The following CMIP variants were observed in gnomAD, a reference collection of about 807,000 sequenced individuals.
CMIP encodes the protein C-Maf-inducing protein.
Under a neutral mutation model 97.3 loss-of-function variants are expected in CMIP, and 13 were observed. That is an observed-to-expected ratio of 0.13 (90% CI 0.09 to 0.21). The LOEUF is 0.21. Ranked by LOEUF, CMIP falls within the 10% of genes least tolerant of loss-of-function variation. The probability of loss-of-function intolerance (pLI) is 1.00; values close to 1 mark genes in which losing one functional copy is unlikely to be tolerated. For missense variants in CMIP, 847 were observed against 1,024.9 expected (o/e 0.83, Z 2.37); for synonymous variants, 538 against 436.3 (o/e 1.23, Z -2.91).
intron 10 of CMIP, among the ~76,000 whole-genome samples, chr16:81,684,802 G>C (rs1905217020): frequency 6.6e-6 from 1 of 152,206 alleles, no homozygotes; most frequent in African/African-American, 2.4e-5. Context: ...GTCCAAGCTG[G>C]GAAGGGCCCA....
intron 1 of CMIP, among the ~76,000 whole-genome samples, chr16:81,505,236 C>T (rs996289560): frequency 3.8e-4 from 58 of 152,290 alleles, no homozygotes; most frequent in African/African-American, 1.3e-3. Context: ...GCACAAGTCA[C>T]GTAGCCACAC....
intron 1 of CMIP, among the ~76,000 whole-genome samples, chr16:81,604,978 A>T (rs1299202431): frequency 6.6e-6 from 1 of 152,226 alleles, no homozygotes; most frequent in Non-Finnish European, 1.5e-5. Context: ...ATGAAACAGC[A>T]GGTGAACCCT....
At chr16:81,673,778 C>T (rs1472354070) in intron 9 of CMIP, among the ~76,000 whole-genome samples, 2 of 152,180 alleles carry the variant, frequency 1.3e-5, no homozygotes, top group Admixed American at 1.3e-4. Context: ...CCTCTGGTGT[C>T]ATTGGAGAGG....
At chr16:81,500,118 C>T (rs963958104) in intron 1 of CMIP, among the ~76,000 whole-genome samples, 1 of 152,102 alleles carries the variant, frequency 6.6e-6, no homozygotes, top group Non-Finnish European at 1.5e-5. Flanking sequence ...CTGTGTCCTG[C>T]CAGCCCCAGC....
At chr16:81,685,793 G>A (rs1356604700) in intron 10 of CMIP, among the ~76,000 whole-genome samples, 1 of 151,474 alleles carries the variant, frequency 6.6e-6, no homozygotes, top group Non-Finnish European at 1.5e-5. Flanking sequence ...CGAACTCCTG[G>A]CCTCAAGCAA....
rs566433510 is a variant in CMIP at position 81,652,488 on chromosome 16, A to G, written c.639+124A>G. 1.4e-5 allele frequency: 12 copies of G among 859,446 alleles called. 1 individual carries two copies. The South Asian group carries it at 2.1e-4, about 15-fold the overall frequency. The allele number at this position is 859,446 out of a possible 1,614,324, so 53.2% of individuals were successfully genotyped here. A position where few individuals can be genotyped will look rare whatever the true frequency, so the allele number is the denominator to read the frequency against. The stretch of plus-strand genomic sequence containing the variant: ...GGCTGTGTTGTTGCCCTGCTGCCGA[A>G]GGAGGTGAGCAGTTGCCCACCCAGC... On this transcript the variant is annotated intron_variant, in intron 4 of 20. Transcript: ENST00000537098. The surrounding 1 kb of genome is among the most constrained non-coding windows in gnomAD (Gnocchi z 5.2).
Position 81,709,757 on chromosome 16 carries a change from C to A in CMIP, c.2280C>A (p.Pro760=). The part of the protein sequence containing the change: ...DTYEDLKAKL[P]NLKEVDVRYT... ...ATTGCCACCCCCAGGCCAAGCTTCC[C>A]AATTTGAAGGAAGTGGACGTCCGCT... Residue 760 remains proline (P), a synonymous_variant, in exon 21 of 21, where the codon CCC becomes CCA. Transcript: ENST00000537098. 1 of 1,613,964 alleles carries A rather than the reference C, an allele frequency of 6.2e-7. No individual in the cohort carries two copies. Among genetic ancestry groups the A allele is most frequent in the Non-Finnish European group, 8.5e-7 (1 of 1,179,876 alleles).
At chr16:81,532,385 T>C (rs1342571638) in intron 1 of CMIP, among the ~76,000 whole-genome samples, 1 of 152,236 alleles carries the variant, frequency 6.6e-6, no homozygotes, top group Non-Finnish European at 1.5e-5. Context: ...GAAGATTGAC[T>C]ATCACTAATT....
At chr16:81,559,054 C>T (rs1005673251) in intron 1 of CMIP, among the ~76,000 whole-genome samples, 12 of 152,234 alleles carry the variant, frequency 7.9e-5, no homozygotes, top group Admixed American at 3.9e-4. Context: ...CAGGCCTGGG[C>T]GCCCCTCCTG....
intron 1 of CMIP, among the ~76,000 whole-genome samples, chr16:81,467,837 T>C (rs1245235366): frequency 1.3e-5 from 2 of 150,934 alleles, no homozygotes; most frequent in Non-Finnish European, 3.0e-5. Flanking sequence ...TGCCTCGGCC[T>C]CCCAAAGTCC....
Position 81,635,297 on chromosome 16 carries a change from G to A in CMIP, c.477+14371G>A, listed in dbSNP as rs117656677. Among the ~76,000 whole-genome samples, 1,518 of 152,026 alleles carry A rather than the reference G, an allele frequency of 1.0e-2. 13 individuals carry two copies. The highest frequency in any genetic ancestry group is 0.013 in the Non-Finnish European group (908 of 67,982). ...AGGGCCAATTACTGAGGTTCAGAAG[G>A]CCAAGCTGGTGGCCCTGTCAGAAAG... is the stretch of plus-strand genomic sequence containing the variant. On this transcript the variant is annotated intron_variant, in intron 3 of 20. Coordinates refer to ENST00000537098, the MANE Select transcript of CMIP (RefSeq NM_198390.3).
At chr16:81,708,353 C>G (rs1256813730) in intron 20 of CMIP, among the ~76,000 whole-genome samples, 1 of 152,226 alleles carries the variant, frequency 6.6e-6, no homozygotes, top group African/African-American at 2.4e-5. Flanking sequence ...CCAGGTAACC[C>G]CACCCTGGGG....
At position 81,661,015 on chromosome 16, in the gene CMIP, G is replaced by A. The variant is rs116583320; in HGVS notation, c.744+69G>A. 3.9e-4 allele frequency: 626 copies of A among 1,598,244 alleles called. 2 individuals carry two copies. In the African/African-American group the frequency reaches 7.3e-3, roughly 19 times the overall value. ...TCCCTCTGTGCGCATACCAGGGATTGGGTTTGCACAGAAAGGCCAAAAACC... is the reference window on the plus strand; with the variant it reads ...TCCCTCTGTGCGCATACCAGGGATTAGGTTTGCACAGAAAGGCCAAAAACC... On this transcript the variant is annotated intron_variant, in intron 6 of 20. Transcript: ENST00000537098.
intron 2 of CMIP, among the ~76,000 whole-genome samples, chr16:81,617,873 C>G (rs924354028): frequency 6.6e-6 from 1 of 152,246 alleles, no homozygotes; most frequent in Non-Finnish European, 1.5e-5. Flanking sequence ...GTGGCCCCTT[C>G]CCTCTTAGGG....
chr16:81,681,325 C>T (rs1904854011), intron 10 of CMIP, among the ~76,000 whole-genome samples: 1 of 152,250 alleles, frequency 6.6e-6, no homozygotes, highest in Non-Finnish European at 1.5e-5. Context: ...ACAACCCCAG[C>T]CGCTCAAAGG....
intron 9 of CMIP, among the ~76,000 whole-genome samples, chr16:81,673,322 C>T (rs2151045997): frequency 6.6e-6 from 1 of 152,176 alleles, no homozygotes; most frequent in Middle Eastern, 3.4e-3. Flanking sequence ...TGGAGACCAG[C>T]CTGGCCAACA....
intron 1 of CMIP, among the ~76,000 whole-genome samples, chr16:81,497,552 G>C (rs2089513854): frequency 6.6e-6 from 1 of 152,218 alleles, no homozygotes; most frequent in African/African-American, 2.4e-5. Context: ...GGGGCCTTAG[G>C]ACACAGCCAG....
chr16:81,570,533 C>T (rs76463337), intron 1 of CMIP, among the ~76,000 whole-genome samples: 6 of 152,172 alleles, frequency 3.9e-5, no homozygotes, highest in Admixed American at 2.0e-4. Context: ...TTGAAGAAGC[C>T]GAGGTGGAAA....
chr16:81,632,074 G>A (rs748194677), intron 3 of CMIP: 3 of 152,156 alleles, frequency 2.0e-5, no homozygotes, highest in African/African-American at 7.2e-5. Context: ...GTGACAAAAT[G>A]TGCATGCCCT....
Sources: allele counts gnomAD v4.1 joint callset (sites outside exome capture counted in the v4.1 genomes callset), GRCh38; gene constraint gnomAD v4.1.1; non-coding constraint Gnocchi (gnomAD v3.1); transcripts MANE v1.5; gene names NCBI Gene and HGNC (gene_info 2026-07-23, HGNC 2026-07-21).